The following THOP1 variants were observed in gnomAD, a reference collection of about 807,000 sequenced individuals.
THOP1 encodes thimet oligopeptidase 1.
Under a neutral mutation model 71.8 loss-of-function variants are expected in THOP1, and 49 were observed. The observed-to-expected ratio is 0.68, with a 90% CI of 0.54 to 0.87. The LOEUF (loss-of-function observed/expected upper bound fraction) is 0.87. Among genes scored for constraint, THOP1 ranks in the 40% least tolerant of loss-of-function variants. The pLI is 0.00. For synonymous variants in THOP1, 426 were observed against 421.5 expected (o/e 1.01, Z -0.13); for missense variants, 843 against 975.6 (o/e 0.86, Z 1.81).
intron 1 of THOP1, among the ~76,000 whole-genome samples, chr19:2,787,982 A>C (rs181701097): frequency 1.5e-4 from 23 of 152,280 alleles, no homozygotes; most frequent in African/African-American, 4.6e-4. Context: ...GTGATTTGGA[A>C]TACATGGCAC....
chr19:2,807,497 G>A lies in THOP1; in HGVS notation c.942G>A (p.Leu314=), dbSNP rs752241366. ...GGGAGCAGGAGCGTGCGGTGATTCTGGAGCTGAAGCGTGCGGAGTGCGAGC... is the reference window on the plus strand; with the variant it reads ...GGGAGCAGGAGCGTGCGGTGATTCTAGAGCTGAAGCGTGCGGAGTGCGAGC... The part of the protein sequence containing the change: ...PLGEQERAVI[L]ELKRAECERR... Residue 314 remains leucine (L), a synonymous_variant, in exon 8 of 13, where the codon CTG becomes CTA. Coordinates refer to ENST00000307741, the MANE Select transcript of THOP1 (RefSeq NM_003249.5). The A allele has an allele frequency of 6.2e-7, 1 of 1,610,608 alleles. No individual in the cohort carries two copies.
chr19:2,785,597 G>T lies in THOP1; in HGVS notation c.-66G>T, dbSNP rs2144752441. On this transcript the variant is annotated 5_prime_UTR_variant, in exon 1 of 13. Transcript: ENST00000307741. ...TGGGCCGAGGCAGGCGGCCTCAGTGGCCGAGGTGGCTGGACGCGTAGCAGG... is the reference window on the plus strand; with the variant it reads ...TGGGCCGAGGCAGGCGGCCTCAGTGTCCGAGGTGGCTGGACGCGTAGCAGG... The T allele has an allele frequency of 6.7e-7, 1 of 1,484,082 alleles. No individual in the cohort carries two copies. Among genetic ancestry groups the T allele is most frequent in the South Asian group, 1.3e-5 (1 of 77,212 alleles). The allele number at this position is 1,484,082 out of a possible 1,614,324, so 91.9% of individuals were successfully genotyped here. A position where few individuals can be genotyped will look rare whatever the true frequency, so the allele number is the denominator to read the frequency against.
At chr19:2,791,915 C>T (rs1286750322) in intron 2 of THOP1, among the ~76,000 whole-genome samples, 1 of 152,236 alleles carries the variant, frequency 6.6e-6, no homozygotes, top group Admixed American at 6.5e-5. Context: ...CCTGGACACC[C>T]AGTCTCCTCG....
intron 12 of THOP1, among the ~76,000 whole-genome samples, chr19:2,812,894 G>T (rs553252991): frequency 6.6e-6 from 1 of 152,160 alleles, no homozygotes; most frequent in African/African-American, 2.4e-5. Context: ...TGGGGAGTTC[G>T]GGGCTCTGCT....
At position 2,803,803 on chromosome 19, in the gene THOP1, C is replaced by T. The variant is rs1916217309; in HGVS notation, c.590-1213C>T. Among the ~76,000 whole-genome samples, 5 of 152,270 alleles carry T rather than the reference C, an allele frequency of 3.3e-5. No individual in the cohort carries two copies. In the South Asian group the frequency reaches 1.0e-3, roughly 32 times the overall value. On this transcript the variant is annotated intron_variant, in intron 5 of 12. Transcript: ENST00000307741. ...GGACTCTCAGCTCCCTCATCACCAC[C>T]CACACCCACGGGCTGGCCTCCCAAA...
Position 2,813,157 on chromosome 19 carries a change from TC to T in THOP1, c.1953del (p.Glu652ArgfsTer7), listed in dbSNP as rs757865226. ...YRSCILRPGG[S>X]EDASAMLRRF... The stretch of plus-strand genomic sequence containing the variant: ...AAGCTGCATCCTGAGACCCGGCGGT[TC>T]CGAGGATGCCAGCGCCATGCTGAGG... On this transcript the variant is annotated frameshift_variant, in exon 13 of 13. Transcript: ENST00000307741. LOFTEE classifies it high-confidence loss of function. 1.9e-6 allele frequency: 3 copies of T among 1,612,056 alleles called. No homozygotes were observed. The highest frequency in any genetic ancestry group is 1.7e-5 in the Admixed American group (1 of 59,938).
intron 12 of THOP1, 55 bp downstream of exon 12, chr19:2,811,789 C>G: frequency 6.5e-7 from 1 of 1,546,618 alleles, no homozygotes; most frequent in South Asian, 1.2e-5. Context: ...TACGCGGGGA[C>G]TGGGGACAGG....
intron 5 of THOP1, 85 bp downstream of exon 5, chr19:2,799,876 C>T: frequency 4.0e-6 from 5 of 1,237,188 alleles, no homozygotes; most frequent in Non-Finnish European, 5.9e-6. Context: ...CCGCCGCTTC[C>T]TCCTGTGGGC....
intron 4 of THOP1, 55 bp downstream of exon 4, chr19:2,796,243 T>G: frequency 7.1e-7 from 1 of 1,404,728 alleles, no homozygotes; most frequent in Non-Finnish European, 9.8e-7. Flanking sequence ...TCCCGGGGAG[T>G]GCTGGGCACA....
rs1041609862 is a variant in THOP1 at position 2,804,133 on chromosome 19, C to A, written c.590-883C>A. ...TGACCGCCCTGGGGTTGAGGTGAAC[C>A]AGTCTTTGCATTGAAGCTGCAAGCC... On this transcript the variant is annotated intron_variant, in intron 5 of 12. Transcript: ENST00000307741. This position sits in a 1 kb window ranked among gnomAD's most constrained non-coding sequence, Gnocchi z 4.7. 2.6e-5 allele frequency among the ~76,000 whole-genome samples: 4 copies of A among 152,202 alleles called. No individual in the cohort carries two copies. Among genetic ancestry groups the A allele is most frequent in the African/African-American group, 9.6e-5 (4 of 41,454 alleles).
rs948529192 is a variant in THOP1, at chr19:2,801,561, G to A, written c.589+1770G>A. Among the ~76,000 whole-genome samples the A allele has an allele frequency of 1.1e-4, 16 of 152,280 alleles. No homozygotes were observed. Among genetic ancestry groups the A allele is most frequent in the Middle Eastern group, 3.4e-3 (1 of 294 alleles). On this transcript the variant is annotated intron_variant, in intron 5 of 12. Transcript: ENST00000307741. This position sits in a 1 kb window ranked among gnomAD's most constrained non-coding sequence, Gnocchi z 5.1. Reference sequence around the variant, plus strand: ...CGGGACCTGTTTCCCTTTGTGGTCCGTCATTTCTCAGGAGACGCCTTGCGA... The same window carrying A: ...CGGGACCTGTTTCCCTTTGTGGTCCATCATTTCTCAGGAGACGCCTTGCGA...
intron 9 of THOP1, among the ~76,000 whole-genome samples, chr19:2,809,081 A>G (rs1402493328): frequency 3.3e-5 from 5 of 152,234 alleles, no homozygotes; most frequent in Non-Finnish European, 7.3e-5. Flanking sequence ...GCTCTGTCCT[A>G]TGAAGTCACT....
chr19:2,815,189 G>T lies in THOP1; in HGVS notation c.*1913G>T, dbSNP rs1425517119. ...TTCCCCTGCCCCGAGCCCTCAGGTG[G>T]CCTCCACCTGGTCCCCAGCGAAGTC... On this transcript the variant is annotated 3_prime_UTR_variant, in exon 13 of 13. Transcript: ENST00000307741. 1 of 152,260 alleles carries T rather than the reference G, an allele frequency of 6.6e-6. No homozygotes were observed. The highest frequency in any genetic ancestry group is 6.5e-5 in the Admixed American group (1 of 15,282). 9.4% of individuals were successfully genotyped at this position (152,260 alleles called of 1,614,324 possible).
At chr19:2,810,045 G>A (rs903550619) in intron 9 of THOP1, 16 of 552,058 alleles carry the variant, frequency 2.9e-5, no homozygotes, top group African/African-American at 2.5e-4. Flanking sequence ...TCTGTGGCTA[G>A]AGGAGAAGCG....
At chr19:2,791,575 C>G (rs1244654629) in intron 2 of THOP1, among the ~76,000 whole-genome samples, 1 of 152,216 alleles carries the variant, frequency 6.6e-6, no homozygotes, top group Non-Finnish European at 1.5e-5. Context: ...CCCACTCCCT[C>G]TGGCTTCCGA....
At chr19:2,810,217 T>C (rs1916421859) in intron 9 of THOP1, 87 bp from the exon 10 acceptor site, 2 of 1,494,222 alleles carry the variant, frequency 1.3e-6, no homozygotes, top group Non-Finnish European at 1.8e-6. Flanking sequence ...TCGCCCTGTT[T>C]GCACTGTGGC....
intron 1 of THOP1, among the ~76,000 whole-genome samples, 172 bp from the exon 2 acceptor site, chr19:2,790,249 G>T (rs1915843621): frequency 1.3e-5 from 2 of 152,206 alleles, no homozygotes; most frequent in African/African-American, 4.8e-5. Context: ...TGATGGCAGA[G>T]TAGCCTCCTG....
chr19:2,805,306 G>A lies in THOP1; in HGVS notation c.750+130G>A. 8.6e-7 allele frequency: 1 copy of A among 1,157,582 alleles called. No individual in the cohort carries two copies. The highest frequency in any genetic ancestry group is 1.6e-5 in the South Asian group (1 of 61,804). 71.7% of individuals were successfully genotyped at this position (1,157,582 alleles called of 1,614,324 possible). A position where few individuals can be genotyped will look rare whatever the true frequency, so the allele number is the denominator to read the frequency against. ...CTCCCAATCTCCCTGGCCAGGCCCA[G>A]TGGCCAGCAGAGGCCTCCCTGTGGG... On this transcript the variant is annotated intron_variant, in intron 6 of 12. Transcript: ENST00000307741. This position sits in a 1 kb window ranked among gnomAD's most constrained non-coding sequence, Gnocchi z 6.6.
At chr19:2,788,842 C>A (rs1038768919) in intron 1 of THOP1, among the ~76,000 whole-genome samples, 4 of 152,102 alleles carry the variant, frequency 2.6e-5, no homozygotes, top group Non-Finnish European at 5.9e-5. Flanking sequence ...TTCACTGCAA[C>A]CTCTGGCTCC....
Sources: gnomAD v4.1 joint callset for allele counts (sites outside exome capture counted in the v4.1 genomes callset) on GRCh38, gnomAD v4.1.1 for gene constraint, Gnocchi (gnomAD v3.1) non-coding constraint, MANE v1.5 for transcripts, NCBI Gene and HGNC (gene_info 2026-07-23, HGNC 2026-07-21) for gene names.